S100A8: variants seen among roughly 807,000 people sequenced by gnomAD.
S100A8 encodes the protein protein S100-A8.
Under a neutral mutation model 4.2 loss-of-function variants are expected in S100A8, and 1 was observed. The observed-to-expected ratio is 0.24, with a 90% CI of 0.08 to 1.12. S100A8 has a LOEUF of 1.12. S100A8 is among the 50% of genes most tolerant of loss of function. S100A8 has a pLI of 0.53. For missense variants in S100A8, 96 were observed against 111.8 expected (o/e 0.86, Z 0.64); for synonymous variants, 41 against 44.7 (o/e 0.92, Z 0.33).
chr1:153,408,942 C>T, the S100A8 span, among the ~76,000 whole-genome samples: 3 of 152,252 alleles, frequency 2.0e-5, no homozygotes, highest in East Asian at 5.8e-4. Context: ...GATTTTGTCA[C>T]CACCAGGCCT....
the S100A8 span, among the ~76,000 whole-genome samples, chr1:153,404,097 C>T: frequency 0.023 from 3,482 of 152,266 alleles, 137 homozygotes; most frequent in African/African-American, 0.079. Flanking sequence ...GAGTACAACT[C>T]AGGAAAAGCC....
At chr1:153,410,229 C>T in the S100A8 span, among the ~76,000 whole-genome samples, 1 of 152,078 alleles carries the variant, frequency 6.6e-6, no homozygotes, top group Non-Finnish European at 1.5e-5. Flanking sequence ...TGATAGACCA[C>T]TAGCAAGACT....
the S100A8 span, among the ~76,000 whole-genome samples, chr1:153,399,182 G>A: frequency 3.9e-5 from 6 of 152,060 alleles, no homozygotes; most frequent in South Asian, 2.1e-4. Flanking sequence ...TGTGAGCCGC[G>A]AACCCACCAC....
the S100A8 span, chr1:153,418,025 T>A: frequency 6.2e-7 from 1 of 1,607,514 alleles, no homozygotes; most frequent in South Asian, 1.1e-5. Context: ...GAGACCTTAA[T>A]TCAAACTAAG....
the S100A8 span, among the ~76,000 whole-genome samples, chr1:153,415,707 A>T: frequency 1.3e-5 from 1 of 78,520 alleles, no homozygotes; most frequent in African/African-American, 5.1e-5. Context: ...GGCTCATTCC[A>T]TGGGGCGGGG....
chr1:153,419,579 T>A, the S100A8 span: 3 of 440,082 alleles, frequency 6.8e-6, no homozygotes. Flanking sequence ...GTTCCCTAAA[T>A]GCAGCCACCT....
the S100A8 span, among the ~76,000 whole-genome samples, chr1:153,402,700 C>A: frequency 2.0e-5 from 3 of 152,258 alleles, no homozygotes; most frequent in Admixed American, 6.5e-5. Context: ...TTCTCCCAAA[C>A]GTAACCTATA....
upstream of S100A8, among the ~76,000 whole-genome samples, chr1:153,395,179 T>C (rs1272295149): frequency 6.6e-6 from 1 of 152,060 alleles, no homozygotes; most frequent in Admixed American, 6.5e-5. Flanking sequence ...ACATCCATCA[T>C]CATGTTGTAG....
At chr1:153,396,270 C>G in the S100A8 span, among the ~76,000 whole-genome samples, 2 of 152,354 alleles carry the variant, frequency 1.3e-5, no homozygotes, top group South Asian at 2.1e-4. Flanking sequence ...TGTTTCTTCC[C>G]CTCAGACAGG....
At chr1:153,400,323 T>TC in the S100A8 span, among the ~76,000 whole-genome samples, 1 of 152,090 alleles carries the variant, frequency 6.6e-6, no homozygotes, top group Non-Finnish European at 1.5e-5. Flanking sequence ...AGGCTCGACA[T>TC]CCCTACAGAT....
At chr1:153,409,823 T>A in the S100A8 span, among the ~76,000 whole-genome samples, 2 of 152,144 alleles carry the variant, frequency 1.3e-5, no homozygotes, top group Non-Finnish European at 2.9e-5. Context: ...GGATTAAGAA[T>A]CTCACTCAAA....
At chr1:153,404,677 T>C in the S100A8 span, among the ~76,000 whole-genome samples, 10 of 152,324 alleles carry the variant, frequency 6.6e-5, no homozygotes, top group Non-Finnish European at 1.2e-4. Context: ...TGATTAACAA[T>C]TGTGTCCCCA....
At chr1:153,410,777 A>C in the S100A8 span, among the ~76,000 whole-genome samples, 8 of 152,228 alleles carry the variant, frequency 5.3e-5, no homozygotes, top group Admixed American at 5.2e-4. Flanking sequence ...CAAAAAGCTT[A>C]TCCACCGTGA....
chr1:153,417,097 C>G, the S100A8 span: 1 of 152,498 alleles, frequency 6.6e-6, no homozygotes, highest in Admixed American at 6.5e-5. Context: ...GTTGCTGGCA[C>G]GGAGCTTTCT....
At chr1:153,392,603 A>G (rs1662127515), upstream of S100A8, among the ~76,000 whole-genome samples, 1 of 152,216 alleles carries the variant, frequency 6.6e-6, no homozygotes, top group Admixed American at 6.5e-5. Flanking sequence ...TCAACACATG[A>G]ATGGATGAAG....
At chr1:153,392,774 G>A (rs180907346), upstream of S100A8, among the ~76,000 whole-genome samples, 7 of 152,296 alleles carry the variant, frequency 4.6e-5, no homozygotes, top group African/African-American at 1.7e-4. Context: ...ACAAGGGCAT[G>A]AGCCATTGCA....
At chr1:153,415,145 T>A in the S100A8 span, among the ~76,000 whole-genome samples, 9 of 152,102 alleles carry the variant, frequency 5.9e-5, no homozygotes, top group Non-Finnish European at 1.0e-4. Context: ...TCTGTGTGTG[T>A]GTGTATGTGT....
At chr1:153,404,120 C>T in the S100A8 span, among the ~76,000 whole-genome samples, 2 of 152,194 alleles carry the variant, frequency 1.3e-5, no homozygotes, top group African/African-American at 2.4e-5. Flanking sequence ...GTGGAAGAGA[C>T]ACACAGGGCC....
Position 153,390,732 on chromosome 1 carries a change from C to T in S100A8, c.-22-175G>A, listed in dbSNP as rs747971806. On this transcript the variant is annotated intron_variant, in intron 1 of 2. Transcript: ENST00000368733. ...GGAAGGGTGGGATGATAGGGATACA[C>T]GTGTGGGAAGGGGAAGGGTCCATTC... 6.4e-5 allele frequency: 50 copies of T among 781,176 alleles called. No individual in the cohort carries two copies. In the East Asian group the frequency reaches 6.5e-4, roughly 10 times the overall value. 48.4% of individuals were successfully genotyped at this position (781,176 alleles called of 1,614,324 possible).
Sources: allele counts gnomAD v4.1 joint callset (sites outside exome capture counted in the v4.1 genomes callset), GRCh38; gene constraint gnomAD v4.1.1; transcripts MANE v1.5; gene names NCBI Gene and HGNC (gene_info 2026-07-23, HGNC 2026-07-21).